The following PRDM5 variants were observed in gnomAD, a reference collection of about 807,000 sequenced individuals.
PRDM5 encodes PR/SET domain 5.
In PRDM5, 56 loss-of-function variants were observed where a neutral mutation model predicts 81.2. The ratio of observed to expected loss-of-function variants is 0.69; its 90% CI spans 0.56 to 0.86. The LOEUF (loss-of-function observed/expected upper bound fraction) is 0.86. Among genes scored for constraint, PRDM5 ranks in the 40% least tolerant of loss-of-function variants. The probability of loss-of-function intolerance (pLI) is 0.00; values close to 1 mark genes in which losing one functional copy is unlikely to be tolerated. For synonymous variants in PRDM5, 267 were observed against 256.4 expected (o/e 1.04, Z -0.39); for missense variants, 697 against 770.1 (o/e 0.91, Z 1.12).
intron 8 of PRDM5, among the ~76,000 whole-genome samples, chr4:120,804,907 C>T (rs1752685881): frequency 6.6e-6 from 1 of 152,006 alleles, no homozygotes; most frequent in African/African-American, 2.4e-5. Flanking sequence ...TCAATGAATC[C>T]AGGAGCTGGT....
intron 7 of PRDM5, among the ~76,000 whole-genome samples, chr4:120,814,463 C>T (rs1235964642): frequency 1.3e-5 from 2 of 152,190 alleles, no homozygotes; most frequent in African/African-American, 4.8e-5. Flanking sequence ...ACTCAACTTT[C>T]AACACGCTGT....
chr4:120,916,572 T>C (rs1033547203), intron 1 of PRDM5, among the ~76,000 whole-genome samples: 4 of 152,230 alleles, frequency 2.6e-5, no homozygotes, highest in Middle Eastern at 3.4e-3. Flanking sequence ...ATGTGTGACA[T>C]TTTAAAGAAT....
chr4:120,833,420 C>T (rs1756952296), intron 3 of PRDM5, among the ~76,000 whole-genome samples: 1 of 151,926 alleles, frequency 6.6e-6, no homozygotes, highest in African/African-American at 2.4e-5. Context: ...TAGTAATAGC[C>T]CCAGAGTAGT....
chr4:120,818,008 T>A (rs968575834), intron 5 of PRDM5, among the ~76,000 whole-genome samples: 1 of 152,252 alleles, frequency 6.6e-6, no homozygotes, highest in African/African-American at 2.4e-5. Flanking sequence ...ACTAAAAGTC[T>A]GTTACCTCAA....
chr4:120,812,500 G>C (rs1478249676), intron 7 of PRDM5: 1 of 169,784 alleles, frequency 5.9e-6, no homozygotes, highest in Non-Finnish European at 1.3e-5. Flanking sequence ...CTGTAGTTTT[G>C]ATTTGCATTT....
intron 1 of PRDM5, among the ~76,000 whole-genome samples, chr4:120,686,291 CT>C (rs763045438): frequency 6.6e-6 from 1 of 152,074 alleles, no homozygotes; most frequent in Non-Finnish European, 1.5e-5. Flanking sequence ...TTTCATTCTT[CT>C]TTCCTTTCTC....
chr4:120,771,372 A>C (rs1307129886), intron 13 of PRDM5, among the ~76,000 whole-genome samples: 8 of 152,152 alleles, frequency 5.3e-5, no homozygotes, highest in Admixed American at 5.2e-4. Flanking sequence ...ATTTAATTTC[A>C]AGGAAAAAAT....
At chr4:120,795,184 T>C (rs1751173900) in intron 10 of PRDM5, among the ~76,000 whole-genome samples, 1 of 152,226 alleles carries the variant, frequency 6.6e-6, no homozygotes, top group Non-Finnish European at 1.5e-5. Context: ...TGTAAATTCA[T>C]GAGGGCAAAA....
At chr4:120,722,945 C>T (rs911002436) in intron 14 of PRDM5, among the ~76,000 whole-genome samples, 3 of 152,168 alleles carry the variant, frequency 2.0e-5, no homozygotes, top group Non-Finnish European at 4.4e-5. Flanking sequence ...TATTAACCAA[C>T]CATGGATGGC....
At chr4:120,686,273 A>G (rs1001911582) in intron 1 of PRDM5, among the ~76,000 whole-genome samples, 4 of 152,122 alleles carry the variant, frequency 2.6e-5, no homozygotes, top group African/African-American at 9.7e-5. Flanking sequence ...AGAACGGCCT[A>G]ATACTCCTTT....
chr4:120,906,047 C>T (rs2167204), intron 2 of PRDM5, among the ~76,000 whole-genome samples: 143,311 of 152,160 alleles, frequency 0.94, 67,536 homozygotes, highest in Middle Eastern at 0.98. Flanking sequence ...TCATAGTTCA[C>T]TGCAGCCTTG....
chr4:120,847,714 T>A (rs555575543), intron 3 of PRDM5, among the ~76,000 whole-genome samples: 5 of 152,284 alleles, frequency 3.3e-5, no homozygotes, highest in African/African-American at 1.2e-4. Flanking sequence ...CATAAATACA[T>A]ACCAATAAGA....
chr4:120,694,144 T>C lies in PRDM5; in HGVS notation c.*967A>G, dbSNP rs1404456472. The C allele has an allele frequency of 6.6e-6, 1 of 152,114 alleles. No homozygotes were observed. Among genetic ancestry groups the C allele is most frequent in the Admixed American group, 6.6e-5 (1 of 15,228 alleles). 9.4% of individuals were successfully genotyped at this position (152,114 alleles called of 1,614,324 possible). On this transcript the variant is annotated 3_prime_UTR_variant, in exon 16 of 16. Coordinates refer to ENST00000264808, the MANE Select transcript of PRDM5 (RefSeq NM_018699.4). ...TGGAATGTTAATGTTCTGAGGACTG[T>C]ATCTGCACTAACATGTTCTGTGCAC... is the stretch of plus-strand genomic sequence containing the variant.
chr4:120,916,916 C>A (rs1020763822), intron 1 of PRDM5, among the ~76,000 whole-genome samples: 7 of 152,222 alleles, frequency 4.6e-5, no homozygotes, highest in African/African-American at 1.7e-4. Context: ...TGGATTACTG[C>A]AGTAGAATCC....
intron 8 of PRDM5, among the ~76,000 whole-genome samples, chr4:120,808,191 T>C (rs1378880028): frequency 6.6e-6 from 1 of 151,330 alleles, no homozygotes; most frequent in African/African-American, 2.5e-5. Context: ...TATTCTCTTA[T>C]CTGGCCCTAC....
At chr4:120,874,348 A>C (rs986560224) in intron 2 of PRDM5, among the ~76,000 whole-genome samples, 3 of 152,216 alleles carry the variant, frequency 2.0e-5, no homozygotes, top group Non-Finnish European at 4.4e-5. Flanking sequence ...TTAACAGAGC[A>C]TGCAAAGTGG....
Position 120,918,428 on chromosome 4 carries a change from A to T in PRDM5, c.93+4088T>A, listed in dbSNP as rs895422526. 5.3e-5 allele frequency among the ~76,000 whole-genome samples: 8 copies of T among 152,270 alleles called. 1 individual carries two copies. In the South Asian group the frequency reaches 1.7e-3, roughly 32 times the overall value. On this transcript the variant is annotated intron_variant, in intron 1 of 15. Transcript: ENST00000264808. ...TTTCTTCAGACAAGTCACCTTCTACACTGATCAACACAACACCTTATCCCA... is the reference window on the plus strand; with the variant it reads ...TTTCTTCAGACAAGTCACCTTCTACTCTGATCAACACAACACCTTATCCCA...
chr4:120,827,748 T>C (rs550666258), intron 3 of PRDM5, among the ~76,000 whole-genome samples: 67 of 152,172 alleles, frequency 4.4e-4, no homozygotes, highest in Non-Finnish European at 9.0e-4. Flanking sequence ...TGCCAAGGGC[T>C]AATATCAAGG....
At chr4:120,897,811 A>G (rs548646753) in intron 2 of PRDM5, among the ~76,000 whole-genome samples, 7 of 152,298 alleles carry the variant, frequency 4.6e-5, no homozygotes, top group Non-Finnish European at 8.8e-5. Context: ...TCAATTTGTT[A>G]GTAAAATTCT....
Sources: gnomAD v4.1 joint callset for allele counts (sites outside exome capture counted in the v4.1 genomes callset) on GRCh38, gnomAD v4.1.1 for gene constraint, MANE v1.5 for transcripts, NCBI Gene and HGNC (gene_info 2026-07-23, HGNC 2026-07-21) for gene names.